Variants in UMAD1 observed in about 807,000 individuals in gnomAD.
UMAD1 encodes UBAP1-MVB12-associated (UMA)-domain containing protein 1.
UMAD1 carries 8 observed loss-of-function variants against 6.1 expected under a neutral mutation model. The ratio of observed to expected loss-of-function variants is 1.30; its 90% CI spans 0.76 to 2.35. UMAD1 has a LOEUF of 2.35. Among genes scored for constraint, UMAD1 ranks in the 30% most tolerant of loss-of-function variants. The pLI, the probability that UMAD1 is intolerant of heterozygous loss-of-function variation, is 0.00. For missense variants in UMAD1, 130 were observed against 78.4 expected, an observed-to-expected ratio of 1.66 and a Z score of -2.49; for synonymous variants, 56 against 31.4, an observed-to-expected ratio of 1.78 and a Z score of -2.61.
At chr7:7,784,831 G>T (rs527604319) in intron 2 of UMAD1, among the ~76,000 whole-genome samples, 1 of 138,046 alleles carries the variant, frequency 7.2e-6, no homozygotes, top group Non-Finnish European at 1.5e-5. Context: ...GCGCGATCTC[G>T]GCTCGCTGCA....
intron 1 of UMAD1, among the ~76,000 whole-genome samples, chr7:7,649,682 GT>G (rs1037847445): frequency 2.3e-5 from 3 of 131,690 alleles, no homozygotes; most frequent in African/African-American, 7.4e-5. Flanking sequence ...CTGTATTCTT[GT>G]TGGTGGGGGG....
At chr7:7,642,841 A>C (rs990714268) in intron 1 of UMAD1, among the ~76,000 whole-genome samples, 1 of 152,146 alleles carries the variant, frequency 6.6e-6, no homozygotes, top group Admixed American at 6.5e-5. Context: ...AATTTGTGTT[A>C]AGCTTCCTAA....
At chr7:7,670,208 C>T (rs1196033808) in intron 1 of UMAD1, among the ~76,000 whole-genome samples, 1 of 152,146 alleles carries the variant, frequency 6.6e-6, no homozygotes, top group Non-Finnish European at 1.5e-5. Context: ...TGGAGAATGA[C>T]TTATTAAAAC....
chr7:7,857,307 T>C (rs1025839242), intron 3 of UMAD1, among the ~76,000 whole-genome samples: 3 of 152,232 alleles, frequency 2.0e-5, no homozygotes, highest in Admixed American at 2.0e-4. Context: ...TAGCCTCTGA[T>C]ATAATCTCTT....
At position 7,817,768 on chromosome 7, in the gene UMAD1, C is replaced by T. The variant is rs1783161046; in HGVS notation, c.156+16025C>T. On this transcript the variant is annotated intron_variant, in intron 3 of 3. Coordinates refer to ENST00000682710, the MANE Select transcript of UMAD1 (RefSeq NM_001302348.2). ...TTGCATCCGTTCCTGACTAAAGACA[C>T]ATTTTCAATGGTACTTTTTACCTTT... is the stretch of plus-strand genomic sequence containing the variant. Among the ~76,000 whole-genome samples, 2 of 152,168 alleles carry T rather than the reference C, an allele frequency of 1.3e-5. 1 individual carries two copies. Among genetic ancestry groups the T allele is most frequent in the South Asian group, 4.1e-4 (2 of 4,830 alleles).
At chr7:7,834,791 G>GT (rs1197869073) in intron 3 of UMAD1, among the ~76,000 whole-genome samples, 1 of 152,182 alleles carries the variant, frequency 6.6e-6, no homozygotes, top group African/African-American at 2.4e-5. Flanking sequence ...ATGGGTGGGG[G>GT]TGTGTAGGGT....
At chr7:7,750,242 G>A (rs1013236970) in intron 2 of UMAD1, among the ~76,000 whole-genome samples, 4 of 151,978 alleles carry the variant, frequency 2.6e-5, no homozygotes, top group Non-Finnish European at 5.9e-5. Flanking sequence ...ATCTGGAAAC[G>A]GAGTTTCCAA....
chr7:7,749,825 G>T (rs1781644946), intron 2 of UMAD1, among the ~76,000 whole-genome samples: 1 of 152,016 alleles, frequency 6.6e-6, no homozygotes, highest in Non-Finnish European at 1.5e-5. Flanking sequence ...TATTTTCCAG[G>T]ATAGTTTATC....
At chr7:7,837,951 A>G (rs1303885890) in intron 3 of UMAD1, among the ~76,000 whole-genome samples, 1 of 152,166 alleles carries the variant, frequency 6.6e-6, no homozygotes, top group Non-Finnish European at 1.5e-5. Flanking sequence ...GAGGGTCACA[A>G]GATAATGGTA....
At chr7:7,757,334 C>T (rs1290836623) in intron 2 of UMAD1, among the ~76,000 whole-genome samples, 15 of 152,096 alleles carry the variant, frequency 9.9e-5, no homozygotes, top group African/African-American at 1.9e-4. Context: ...AGAATGTTTC[C>T]GTCTAATCCT....
chr7:7,669,259 T>C (rs1779546145), intron 1 of UMAD1, among the ~76,000 whole-genome samples: 1 of 152,118 alleles, frequency 6.6e-6, no homozygotes, highest in Admixed American at 6.5e-5. Flanking sequence ...TATACGGTAT[T>C]TTGATATAGG....
chr7:7,819,375 A>C (rs991052770), intron 3 of UMAD1, among the ~76,000 whole-genome samples: 1 of 152,210 alleles, frequency 6.6e-6, no homozygotes, highest in East Asian at 1.9e-4. Flanking sequence ...ATTACGCTGT[A>C]TCTGGTAAGT....
At chr7:7,644,299 G>C (rs1785045842) in intron 1 of UMAD1, among the ~76,000 whole-genome samples, 1 of 148,340 alleles carries the variant, frequency 6.7e-6, no homozygotes, top group South Asian at 2.1e-4. Context: ...TATTGTAATG[G>C]TACAAGTGTT....
intron 2 of UMAD1, among the ~76,000 whole-genome samples, chr7:7,711,293 G>A (rs1427624101): frequency 6.6e-6 from 1 of 152,160 alleles, no homozygotes; most frequent in African/African-American, 2.4e-5. Flanking sequence ...ACATGATGCT[G>A]TTACAAACAT....
At chr7:7,759,584 G>T (rs1781844247) in intron 2 of UMAD1, among the ~76,000 whole-genome samples, 1 of 152,090 alleles carries the variant, frequency 6.6e-6, no homozygotes, top group African/African-American at 2.4e-5. Flanking sequence ...ATTGTAAATG[G>T]GAAAAGTACT....
At chr7:7,711,089 G>C (rs960374598) in intron 2 of UMAD1, among the ~76,000 whole-genome samples, 20 of 152,162 alleles carry the variant, frequency 1.3e-4, no homozygotes, top group African/African-American at 4.6e-4. Context: ...TAACACTGGG[G>C]ATTCTGGTGG....
At chr7:7,845,448 G>A (rs1226332775) in intron 3 of UMAD1, among the ~76,000 whole-genome samples, 2 of 152,012 alleles carry the variant, frequency 1.3e-5, no homozygotes, top group Non-Finnish European at 2.9e-5. Context: ...AGGTCACATA[G>A]CATTTTAGTA....
At position 7,742,164 on chromosome 7, in the gene UMAD1, G is replaced by C; in HGVS notation, c.83-59506G>C. The C allele has an allele frequency of 6.0e-6, 4 of 661,432 alleles. 1 individual carries two copies. The highest frequency in any genetic ancestry group is 4.1e-5 in the South Asian group (3 of 73,560). The allele number at this position is 661,432 out of a possible 1,614,324, so 41.0% of individuals were successfully genotyped here. The stretch of plus-strand genomic sequence containing the variant: ...TTGAATATATGCCTTCTCTCCATCA[G>C]GCCGAATCAGGTGTTGACCTTGGCC... On this transcript the variant is annotated intron_variant, in intron 2 of 3. Transcript: ENST00000682710.
chr7:7,707,609 C>G (rs1780638366), intron 2 of UMAD1, among the ~76,000 whole-genome samples: 1 of 152,088 alleles, frequency 6.6e-6, no homozygotes, highest in Admixed American at 6.6e-5. Flanking sequence ...ATAAAGCTAA[C>G]AAATAATAAA....
Sources: gnomAD v4.1 joint callset for allele counts (sites outside exome capture counted in the v4.1 genomes callset) on GRCh38, gnomAD v4.1.1 for gene constraint, MANE v1.5 for transcripts, NCBI Gene and HGNC (gene_info 2026-07-23, HGNC 2026-07-21) for gene names.